Variants in EPHA5 observed in about 807,000 individuals in gnomAD.
The protein encoded by EPHA5 is EPH receptor A5, also known as ephrin type-A receptor 5.
In EPHA5, 60 loss-of-function variants were observed where a neutral mutation model predicts 105.0. The observed-to-expected ratio is 0.57, with a 90% CI of 0.46 to 0.71. EPHA5 has a LOEUF of 0.71. Ranked by LOEUF, EPHA5 falls within the 30% of genes least tolerant of loss-of-function variation. The probability of loss-of-function intolerance (pLI) is 0.00; values close to 1 mark genes in which losing one functional copy is unlikely to be tolerated. For synonymous variants in EPHA5, 513 were observed against 449.1 expected, an observed-to-expected ratio of 1.14 and a Z score of -1.80; for missense variants, 1,218 against 1,274.7, an observed-to-expected ratio of 0.96 and a Z score of 0.68.
intron 14 of EPHA5, among the ~76,000 whole-genome samples, chr4:65,343,203 T>C (rs904508737): frequency 2.0e-5 from 3 of 152,128 alleles, no homozygotes; most frequent in Non-Finnish European, 4.4e-5. Flanking sequence ...ATTTAAAGTG[T>C]TTACTATCAA....
At chr4:65,655,575 A>T (rs999200575) in intron 1 of EPHA5, among the ~76,000 whole-genome samples, 6 of 152,160 alleles carry the variant, frequency 3.9e-5, no homozygotes, top group Non-Finnish European at 7.4e-5. Context: ...ATATAATTGC[A>T]AACTAGTTCC....
intron 3 of EPHA5, among the ~76,000 whole-genome samples, chr4:65,539,731 T>A (rs972451906): frequency 6.6e-6 from 1 of 151,616 alleles, no homozygotes; most frequent in African/African-American, 2.4e-5. Flanking sequence ...AAAACCTGGA[T>A]AATTCAGATA....
At chr4:65,448,887 T>C (rs1401190676) in intron 5 of EPHA5, among the ~76,000 whole-genome samples, 2 of 152,064 alleles carry the variant, frequency 1.3e-5, no homozygotes, top group Non-Finnish European at 2.9e-5. Context: ...AAATAAATCA[T>C]AGGGAAATTA....
At chr4:65,326,328 T>G (rs1720078409) in intron 16 of EPHA5, among the ~76,000 whole-genome samples, 1 of 151,254 alleles carries the variant, frequency 6.6e-6, no homozygotes, top group African/African-American at 2.4e-5. Flanking sequence ...TTTTAATTTA[T>G]CATTATTCTA....
chr4:65,650,558 T>TAAAAAAAAAAAA (rs1748517678), intron 1 of EPHA5, among the ~76,000 whole-genome samples: 1 of 25,844 alleles, frequency 3.9e-5, no homozygotes, highest in African/African-American at 1.4e-4. Context: ...AGACTCAGTC[T>TAAAAAAAAAAAA]CAAAAAAAAA....
intron 3 of EPHA5, among the ~76,000 whole-genome samples, chr4:65,560,098 G>C (rs1428316960): frequency 6.6e-6 from 1 of 152,020 alleles, no homozygotes; most frequent in Non-Finnish European, 1.5e-5. Context: ...CTGGTGGGAA[G>C]AATTATAATT....
chr4:65,371,413 T>C (rs1034980470), intron 8 of EPHA5, among the ~76,000 whole-genome samples: 11 of 152,118 alleles, frequency 7.2e-5, no homozygotes, highest in African/African-American at 2.2e-4. Flanking sequence ...TTTTCTCCCA[T>C]GCTTTTTCTA....
intron 3 of EPHA5, among the ~76,000 whole-genome samples, chr4:65,564,780 G>A (rs948177459): frequency 6.6e-6 from 1 of 151,676 alleles, no homozygotes; most frequent in African/African-American, 2.4e-5. Context: ...TATTTAGGGT[G>A]ATACATATAT....
At chr4:65,611,524 CA>C (rs5858974) in intron 2 of EPHA5, among the ~76,000 whole-genome samples, 63,563 of 117,810 alleles carry the variant, frequency 0.54, 15,121 homozygotes, top group Middle Eastern at 0.69. Context: ...GTTGTTCTGG[CA>C]AAAAAAAAAA....
At chr4:65,498,768 G>A (rs1438037231) in intron 3 of EPHA5, among the ~76,000 whole-genome samples, 3 of 151,624 alleles carry the variant, frequency 2.0e-5, no homozygotes, top group Admixed American at 2.0e-4. Context: ...AATATGTAAG[G>A]CATTATTTAA....
intron 2 of EPHA5, among the ~76,000 whole-genome samples, chr4:65,611,589 C>T (rs1343790313): frequency 6.7e-6 from 1 of 150,348 alleles, no homozygotes; most frequent in Non-Finnish European, 1.5e-5. Context: ...ATTATATATC[C>T]ACTCTATAAA....
intron 3 of EPHA5, among the ~76,000 whole-genome samples, chr4:65,562,522 T>C (rs1190381825): frequency 2.6e-5 from 4 of 152,036 alleles, no homozygotes; most frequent in African/African-American, 4.8e-5. Flanking sequence ...TAGTTGAAGT[T>C]GTTTTCAGAA....
intron 2 of EPHA5, among the ~76,000 whole-genome samples, chr4:65,613,806 C>T (rs1298762155): frequency 4.6e-5 from 7 of 151,910 alleles, no homozygotes; most frequent in Non-Finnish European, 1.0e-4. Context: ...AATGACAATT[C>T]TAAATATTTA....
intron 14 of EPHA5, among the ~76,000 whole-genome samples, chr4:65,339,605 C>A (rs1331413394): frequency 6.6e-6 from 1 of 152,098 alleles, no homozygotes; most frequent in Non-Finnish European, 1.5e-5. Flanking sequence ...TATTATTAAA[C>A]ACTGAAATAA....
chr4:65,592,549 A>G (rs888269443), intron 3 of EPHA5, among the ~76,000 whole-genome samples: 29 of 152,164 alleles, frequency 1.9e-4, no homozygotes. Context: ...AAAAGAAAAA[A>G]ATTTACACAA....
chr4:65,371,551 G>A lies in EPHA5; in HGVS notation c.1794-4127C>T, dbSNP rs111388876. Among the ~76,000 whole-genome samples, 795 of 152,064 alleles carry A rather than the reference G, an allele frequency of 5.2e-3. 9 individuals carry two copies. The highest frequency in any genetic ancestry group is 0.018 in the African/African-American group (742 of 41,526). On this transcript the variant is annotated intron_variant, in intron 8 of 16. Transcript: ENST00000613740. ...AAATAAAAAATATTTATGTAGAGAT[G>A]GACAGCCAACGAATAACTTAGTTCT...
chr4:65,629,400 C>G (rs1746430806), intron 2 of EPHA5, among the ~76,000 whole-genome samples: 1 of 152,080 alleles, frequency 6.6e-6, no homozygotes, highest in Admixed American at 6.6e-5. Context: ...CATAGAGGAA[C>G]AGAAGTATTT....
intron 3 of EPHA5, among the ~76,000 whole-genome samples, chr4:65,536,068 C>A (rs114414823): frequency 6.6e-6 from 1 of 151,430 alleles, no homozygotes; most frequent in Non-Finnish European, 1.5e-5. Flanking sequence ...TAAAATATTA[C>A]CTTCATGTTT....
chr4:65,602,315 T>C lies in EPHA5; in HGVS notation c.247-11A>G, dbSNP rs770071183. 4 of 1,457,862 alleles carry C rather than the reference T, an allele frequency of 2.7e-6. No homozygotes were observed. Among genetic ancestry groups the C allele is most frequent in the African/African-American group, 1.7e-5 (1 of 58,306 alleles). 90.3% of individuals were successfully genotyped at this position (1,457,862 alleles called of 1,614,324 possible). ...ACCAATCTCTTCCCACTGTACAATATAAAATAGAAAGATAAAAAAAATTCA... is the reference window on the plus strand; with the variant it reads ...ACCAATCTCTTCCCACTGTACAATACAAAATAGAAAGATAAAAAAAATTCA... On this transcript the variant is annotated splice_polypyrimidine_tract_variant and intron_variant, in intron 2 of 16. Transcript: ENST00000613740.
Sources: allele counts gnomAD v4.1 joint callset (sites outside exome capture counted in the v4.1 genomes callset), GRCh38; gene constraint gnomAD v4.1.1; transcripts MANE v1.5; gene names NCBI Gene and HGNC (gene_info 2026-07-23, HGNC 2026-07-21).